Variants in ZNF608 observed in about 807,000 individuals in gnomAD.
The protein encoded by ZNF608 is zinc finger protein 608.
In ZNF608, 12 loss-of-function variants were observed where a neutral mutation model predicts 109.0. That is an observed-to-expected ratio of 0.11 (90% CI 0.07 to 0.18). The LOEUF (loss-of-function observed/expected upper bound fraction) is 0.18. Ranked by LOEUF, ZNF608 falls within the 10% of genes least tolerant of loss-of-function variation. The pLI is 1.00. For synonymous variants in ZNF608, 732 were observed against 717.4 expected (o/e 1.02, Z -0.33); for missense variants, 1,707 against 1,879.3 (o/e 0.91, Z 1.70).
At chr5:124,738,537 AC>A in intron 2 of ZNF608, among the ~76,000 whole-genome samples, 1 of 152,356 alleles carries the variant, frequency 6.6e-6, no homozygotes, top group Admixed American at 6.5e-5. Flanking sequence ...CACCTCTTCT[AC>A]ACCTCTAGAG....
Position 124,669,719 on chromosome 5 carries a change from T to C in ZNF608, c.1163-20022A>G, listed in dbSNP as rs569897278. 3.9e-5 allele frequency among the ~76,000 whole-genome samples: 6 copies of C among 152,046 alleles called. No individual in the cohort carries two copies. The East Asian group carries it at 1.2e-3, about 29-fold the overall frequency. ...GGATGGTATAGATGGGTTTCATACC[T>C]AGGCTTATCAGACTCCTGTGTTTTC... On this transcript the variant is annotated intron_variant, in intron 3 of 9. Transcript: ENST00000513986.
chr5:124,684,757 C>T (rs1240716581), intron 3 of ZNF608, among the ~76,000 whole-genome samples: 1 of 152,146 alleles, frequency 6.6e-6, no homozygotes, highest in Non-Finnish European at 1.5e-5. Context: ...AAAACCAGTA[C>T]ACTATAGTAA....
In ZNF608 at chr5:124,745,126, C is replaced by T. The variant is rs1467656681; in HGVS notation, c.-137G>A. 13 of 1,442,262 alleles carry T rather than the reference C, an allele frequency of 9.0e-6. No homozygotes were observed. Among genetic ancestry groups the T allele is most frequent in the African/African-American group, 2.9e-5 (2 of 69,728 alleles). The allele number at this position is 1,442,262 out of a possible 1,614,324, so 89.3% of individuals were successfully genotyped here. ...TCTTCCTCTTCTTTTTCCTGCCCCA[C>T]GAATGTGTCCAGGGATTTTACACCC... On this transcript the variant is annotated 5_prime_UTR_variant, in exon 2 of 10. It adds an upstream start codon to the 5' untranslated region. Coordinates refer to ENST00000513986, the MANE Select transcript of ZNF608 (RefSeq NM_020747.3).
chr5:124,728,214 C>T (rs746643144), intron 2 of ZNF608, among the ~76,000 whole-genome samples: 49 of 152,050 alleles, frequency 3.2e-4, no homozygotes, highest in Admixed American at 2.4e-3. Context: ...CTTGAAAAGT[C>T]GACTCACGAT....
chr5:124,672,501 T>C (rs557639890), intron 3 of ZNF608, among the ~76,000 whole-genome samples: 76 of 152,312 alleles, frequency 5.0e-4, no homozygotes, highest in Admixed American at 9.2e-4. Flanking sequence ...GAAAAATGCA[T>C]GCAAAATGAA....
intron 2 of ZNF608, among the ~76,000 whole-genome samples, chr5:124,715,527 A>G (rs998355327): frequency 2.0e-5 from 3 of 152,236 alleles, no homozygotes; most frequent in Admixed American, 6.5e-5. Context: ...AGCATTATCT[A>G]GACTACATTT....
chr5:124,650,120 A>G (rs913109277), intron 3 of ZNF608, among the ~76,000 whole-genome samples: 7 of 152,372 alleles, frequency 4.6e-5, no homozygotes, highest in Admixed American at 4.6e-4. Flanking sequence ...ACTGAAAGGA[A>G]TCGGTTTTGT....
At chr5:124,660,500 A>T (rs1242822861) in intron 3 of ZNF608, among the ~76,000 whole-genome samples, 1 of 152,142 alleles carries the variant, frequency 6.6e-6, no homozygotes. Context: ...TGAAAGGATG[A>T]ACTCTGCAGT....
In ZNF608 at chr5:124,743,960, T is replaced by C. The variant is rs532277009; in HGVS notation, c.906+124A>G. 42 of 1,369,686 alleles carry C rather than the reference T, an allele frequency of 3.1e-5. 1 individual carries two copies. In the South Asian group the frequency reaches 6.0e-4, roughly 20 times the overall value. 84.8% of individuals were successfully genotyped at this position (1,369,686 alleles called of 1,614,324 possible). A position where few individuals can be genotyped will look rare whatever the true frequency, so the allele number is the denominator to read the frequency against. ...CAAATTTTAATATAAAGGATGCATA[T>C]CATAGAAATCTCACAAAGAACCAGA... On this transcript the variant is annotated intron_variant, in intron 2 of 9. Coordinates refer to ENST00000513986, the MANE Select transcript of ZNF608 (RefSeq NM_020747.3).
intron 2 of ZNF608, among the ~76,000 whole-genome samples, chr5:124,703,460 T>C (rs1257405118): frequency 1.3e-5 from 2 of 152,114 alleles, no homozygotes; most frequent in African/African-American, 4.8e-5. Context: ...AGGCCCATTT[T>C]CCTCAACTAG....
In ZNF608 at chr5:124,648,927, G is replaced by A; in HGVS notation, c.1457C>T (p.Ala486Val). ...AGGGCTGGCTTTGATATCCTCAGCAGCACAATTTGGGGGTGTCCTTCGTCC... is the reference window on the plus strand; with the variant it reads ...AGGGCTGGCTTTGATATCCTCAGCAACACAATTTGGGGGTGTCCTTCGTCC... The part of the protein sequence containing the change: ...ASGRRTPPNC[A>V]AEDIKASPSS... The change falls in exon 5 of 10, where the codon GCT (alanine) becomes GTT (valine). Residue 486 changes from alanine (A) to valine (V), a missense_variant. Coordinates refer to ENST00000513986, the MANE Select transcript of ZNF608 (RefSeq NM_020747.3). 6.2e-7 allele frequency: 1 copy of A among 1,614,100 alleles called. No homozygotes were observed. Among genetic ancestry groups the A allele is most frequent in the East Asian group, 2.2e-5 (1 of 44,872 alleles).
At chr5:124,667,614 A>G (rs1751532005) in intron 3 of ZNF608, among the ~76,000 whole-genome samples, 1 of 152,134 alleles carries the variant, frequency 6.6e-6, no homozygotes, top group South Asian at 2.1e-4. Flanking sequence ...TGCCTAGAAC[A>G]AATATTATAA....
intron 2 of ZNF608, among the ~76,000 whole-genome samples, chr5:124,726,130 C>A (rs1174272912): frequency 6.6e-6 from 1 of 152,186 alleles, no homozygotes; most frequent in Non-Finnish European, 1.5e-5. Flanking sequence ...GCTGATCACA[C>A]CTTCCTTGCT....
rs1416139995 is a variant in ZNF608 at position 124,746,590 on chromosome 5, G to A, written c.-579C>T. 25 of 985,230 alleles carry A rather than the reference G, an allele frequency of 2.5e-5. No individual in the cohort carries two copies. Among genetic ancestry groups the A allele is most frequent in the Admixed American group, 1.2e-4 (2 of 16,258 alleles). The allele number at this position is 985,230 out of a possible 1,614,324, so 61.0% of individuals were successfully genotyped here. A position where few individuals can be genotyped will look rare whatever the true frequency, so the allele number is the denominator to read the frequency against. ...TTCAGTTCCAGACTTCAGAGTCACC[G>A]TGATCAGTAATGATCCCATGTAGCA... On this transcript the variant is annotated 5_prime_UTR_variant, in exon 1 of 10. In the 5' UTR this introduces an upstream ATG that the reference lacks. Coordinates refer to ENST00000513986, the MANE Select transcript of ZNF608 (RefSeq NM_020747.3).
chr5:124,675,727 C>T (rs79208784), intron 3 of ZNF608, among the ~76,000 whole-genome samples: 6,525 of 152,266 alleles, frequency 0.043, 208 homozygotes, highest in East Asian at 0.14. Flanking sequence ...GGGAAATTCA[C>T]TTTCTCCATC....
intron 3 of ZNF608, among the ~76,000 whole-genome samples, chr5:124,655,581 T>C (rs1313734280): frequency 6.6e-6 from 1 of 152,236 alleles, no homozygotes; most frequent in Non-Finnish European, 1.5e-5. Context: ...CTTTTATATA[T>C]TTTTTTCTAG....
intron 3 of ZNF608, among the ~76,000 whole-genome samples, chr5:124,693,118 T>C (rs1752685488): frequency 6.6e-6 from 1 of 152,236 alleles, no homozygotes; most frequent in African/African-American, 2.4e-5. Context: ...AAAAAAACAC[T>C]GAATTATACA....
At position 124,637,761 on chromosome 5, in the gene ZNF608, A is replaced by G; in HGVS notation, c.*139T>C. 2 of 764,292 alleles carry G rather than the reference A, an allele frequency of 2.6e-6. No homozygotes were observed. The highest frequency in any genetic ancestry group is 3.8e-5 in the South Asian group (2 of 52,844). 47.3% of individuals were successfully genotyped at this position (764,292 alleles called of 1,614,324 possible). On this transcript the variant is annotated 3_prime_UTR_variant, in exon 10 of 10. Coordinates refer to ENST00000513986, the MANE Select transcript of ZNF608 (RefSeq NM_020747.3). ...AGCAACATTTGTTACTCTGTGATAAAATCTGTAATTTACAAAAATGAAATG... is the reference window on the plus strand; with the variant it reads ...AGCAACATTTGTTACTCTGTGATAAGATCTGTAATTTACAAAAATGAAATG...
intron 3 of ZNF608, among the ~76,000 whole-genome samples, chr5:124,668,488 C>A (rs1276085609): frequency 3.9e-5 from 6 of 151,908 alleles, no homozygotes; most frequent in Admixed American, 3.9e-4. Context: ...GAAACTAGGG[C>A]CCAGAGAGGT....
Sources: allele counts gnomAD v4.1 joint callset (sites outside exome capture counted in the v4.1 genomes callset), GRCh38; gene constraint gnomAD v4.1.1; transcripts MANE v1.5; gene names NCBI Gene and HGNC (gene_info 2026-07-23, HGNC 2026-07-21).